The following DAPK1 variants were observed in gnomAD, a reference collection of about 807,000 sequenced individuals.
DAPK1 encodes the protein death-associated protein kinase 1.
DAPK1 carries 56 observed loss-of-function variants against 144.9 expected under a neutral mutation model. That is an observed-to-expected ratio of 0.39 (90% CI 0.31 to 0.48). DAPK1 has a LOEUF of 0.48. Among genes scored for constraint, DAPK1 ranks in the 20% least tolerant of loss-of-function variants. The probability of loss-of-function intolerance (pLI) is 0.95; values close to 1 mark genes in which losing one functional copy is unlikely to be tolerated. For missense variants in DAPK1, 1,454 were observed against 1,875.4 expected (o/e 0.78, Z 4.15); for synonymous variants, 690 against 749.0 (o/e 0.92, Z 1.29).
chr9:87,503,120 C>T (rs1227228595), intron 2 of DAPK1, among the ~76,000 whole-genome samples: 1 of 152,140 alleles, frequency 6.6e-6, no homozygotes, highest in African/African-American at 2.4e-5. Flanking sequence ...GTTAGAATTA[C>T]AGACGTGGCT....
At chr9:87,630,749 A>G (rs904372630) in intron 3 of DAPK1, among the ~76,000 whole-genome samples, 1 of 152,154 alleles carries the variant, frequency 6.6e-6, no homozygotes, top group African/African-American at 2.4e-5. Context: ...AGATCGGAGG[A>G]TCTTAAAATA....
chr9:87,564,485 G>T (rs910332931), intron 2 of DAPK1, among the ~76,000 whole-genome samples: 3 of 152,072 alleles, frequency 2.0e-5, no homozygotes, highest in African/African-American at 4.8e-5. Flanking sequence ...TTTTGCATAT[G>T]GTGCTGGAGG....
chr9:87,574,150 A>G (rs1587731433), intron 2 of DAPK1, among the ~76,000 whole-genome samples: 1 of 152,200 alleles, frequency 6.6e-6, no homozygotes, highest in East Asian at 1.9e-4. Flanking sequence ...TTTCCCATGA[A>G]AGACATTCCT....
At chr9:87,602,170 A>G (rs1204938015) in intron 2 of DAPK1, among the ~76,000 whole-genome samples, 1 of 152,180 alleles carries the variant, frequency 6.6e-6, no homozygotes, top group Admixed American at 6.5e-5. Flanking sequence ...CGGTATCTTA[A>G]AAGAGGTGAC....
At chr9:87,587,622 G>A (rs373041428) in intron 2 of DAPK1, among the ~76,000 whole-genome samples, 30 of 152,340 alleles carry the variant, frequency 2.0e-4, no homozygotes, top group African/African-American at 5.3e-4. Flanking sequence ...GGCCCAAGAC[G>A]TGGGAATTGG....
chr9:87,702,833 G>C (rs1285271808), intron 24 of DAPK1, among the ~76,000 whole-genome samples, 196 bp from the exon 25 acceptor site: 1 of 151,894 alleles, frequency 6.6e-6, no homozygotes, highest in Non-Finnish European at 1.5e-5. Context: ...TGAGCCCAAG[G>C]GTTTGAGACC....
chr9:87,651,022 C>T (rs759518106), intron 16 of DAPK1, among the ~76,000 whole-genome samples: 2 of 152,170 alleles, frequency 1.3e-5, no homozygotes, highest in African/African-American at 4.8e-5. Context: ...AATGAATGCC[C>T]GGGCTGGTTT....
rs570936518 is a variant in DAPK1 at position 87,658,195 on chromosome 9, G to C, written c.1923+68G>C. On this transcript the variant is annotated intron_variant, in intron 18 of 25. Transcript: ENST00000408954. ...GCCTCTGGCGCCTCCAGGGCAGGAG[G>C]GACAGGGCTTGTATGGCAACTCTGC... 1.5e-5 allele frequency: 10 copies of C among 673,532 alleles called. No individual in the cohort carries two copies. The South Asian group carries it at 1.7e-4, about 12-fold the overall frequency. The allele number at this position is 673,532 out of a possible 1,614,324, so 41.7% of individuals were successfully genotyped here. A position where few individuals can be genotyped will look rare whatever the true frequency, so the allele number is the denominator to read the frequency against.
intron 25 of DAPK1, 152 bp downstream of exon 25, chr9:87,703,369 C>G: frequency 1.7e-6 from 1 of 599,792 alleles, no homozygotes; most frequent in Non-Finnish European, 3.0e-6. Flanking sequence ...GTGACAAACA[C>G]AGCCTCAAGT....
chr9:87,622,107 A>G (rs1829316176), intron 3 of DAPK1, among the ~76,000 whole-genome samples: 2 of 151,100 alleles, frequency 1.3e-5, no homozygotes, highest in South Asian at 2.1e-4. Context: ...TTTCATTTCT[A>G]AAAGGTCTCT....
At chr9:87,585,691 G>T (rs1022124890) in intron 2 of DAPK1, among the ~76,000 whole-genome samples, 2 of 152,106 alleles carry the variant, frequency 1.3e-5, no homozygotes, top group African/African-American at 4.8e-5. Context: ...AAATAATTAA[G>T]CTATGTCCTA....
intron 2 of DAPK1, among the ~76,000 whole-genome samples, chr9:87,523,926 A>G (rs1400779263): frequency 6.6e-6 from 1 of 152,178 alleles, no homozygotes; most frequent in Non-Finnish European, 1.5e-5. Flanking sequence ...ATGAAATCCC[A>G]CTCTAGGAAA....
intron 2 of DAPK1, chr9:87,553,891 G>T (rs7021866): frequency 0.34 from 51,225 of 151,964 alleles, 8,896 homozygotes; most frequent in Middle Eastern, 0.51. Flanking sequence ...AGAAAGGGAG[G>T]CAGGAGAACA....
chr9:87,619,133 T>A (rs1829201385), intron 3 of DAPK1, among the ~76,000 whole-genome samples: 1 of 152,166 alleles, frequency 6.6e-6, no homozygotes. Flanking sequence ...GAACTCCTAC[T>A]CATCCATCAA....
intron 2 of DAPK1, among the ~76,000 whole-genome samples, chr9:87,601,341 C>G (rs1273966949): frequency 6.6e-6 from 1 of 152,232 alleles, no homozygotes; most frequent in East Asian, 1.9e-4. Flanking sequence ...GCTGCTGGCA[C>G]TTTGGCTCAG....
Position 87,658,082 on chromosome 9 carries a change from C to A in DAPK1, c.1878C>A (p.Val626=). The A allele has an allele frequency of 6.5e-7, 1 of 1,549,322 alleles. No individual in the cohort carries two copies. The highest frequency in any genetic ancestry group is 8.9e-7 in the Non-Finnish European group (1 of 1,121,574). ...CCAACAACGGAATCCTAGACGTGGT[C>A]CGGTATCTCTGTCTGATGGGAGCCA... ...LAANNGILDV[V]RYLCLMGASV... Residue 626 remains valine (V), a synonymous_variant, in exon 18 of 26, where the codon GTC becomes GTA. Transcript: ENST00000408954.
intron 18 of DAPK1, among the ~76,000 whole-genome samples, chr9:87,660,548 G>T (rs1016479307): frequency 6.6e-6 from 1 of 151,934 alleles, no homozygotes; most frequent in Non-Finnish European, 1.5e-5. Flanking sequence ...ATTACACTGG[G>T]GTGAAGTCAG....
chr9:87,675,896 C>CACACACACACACACACACACA (rs1554702840), intron 19 of DAPK1, among the ~76,000 whole-genome samples: 57 of 141,530 alleles, frequency 4.0e-4, no homozygotes, highest in African/African-American at 8.8e-4. Flanking sequence ...CACACACACA[C>CACACACACACACACACACACA]CCTTATGACC....
chr9:87,602,922 T>TTCTCTC (rs143584239), intron 2 of DAPK1, among the ~76,000 whole-genome samples: 2,876 of 146,494 alleles, frequency 0.02, 105 homozygotes, highest in African/African-American at 0.067. Context: ...GTCTCTCTGT[T>TTCTCTC]TCTCTCTCTC....
Sources: allele counts gnomAD v4.1 joint callset (sites outside exome capture counted in the v4.1 genomes callset), GRCh38; gene constraint gnomAD v4.1.1; transcripts MANE v1.5; gene names NCBI Gene and HGNC (gene_info 2026-07-23, HGNC 2026-07-21).